CFAP77: variants seen among roughly 807,000 people sequenced by gnomAD.
CFAP77 encodes the protein cilia and flagella associated protein 77.
In CFAP77, 25 loss-of-function variants were observed where a neutral mutation model predicts 31.1. The ratio of observed to expected loss-of-function variants is 0.80; its 90% CI spans 0.59 to 1.12. The LOEUF (loss-of-function observed/expected upper bound fraction) is 1.12, where lower values mean the gene tolerates loss of function less well. Ranked by LOEUF, CFAP77 falls within the 50% of genes most tolerant of loss-of-function variation. CFAP77 has a pLI of 0.00. For missense variants in CFAP77, 377 were observed against 397.3 expected (o/e 0.95, Z 0.44); for synonymous variants, 151 against 159.9 (o/e 0.94, Z 0.42).
intron 1 of CFAP77, among the ~76,000 whole-genome samples, chr9:132,414,140 T>A (rs901748280): frequency 1.2e-4 from 18 of 152,212 alleles, no homozygotes; most frequent in African/African-American, 4.8e-5. Flanking sequence ...ATTGGTGACA[T>A]CATGTATAGC....
At chr9:132,546,316 G>A (rs1466672647) in intron 5 of CFAP77, among the ~76,000 whole-genome samples, 2 of 152,204 alleles carry the variant, frequency 1.3e-5, no homozygotes, top group Non-Finnish European at 2.9e-5. Flanking sequence ...TGTGGTGTCT[G>A]TCACGTGTGA....
intron 1 of CFAP77, among the ~76,000 whole-genome samples, chr9:132,436,678 GCCATTCCA>G (rs1456628352): frequency 6.6e-6 from 1 of 152,162 alleles, no homozygotes; most frequent in East Asian, 1.9e-4. Flanking sequence ...ATATCTAGTG[GCCATTCCA>G]CCATTCCACA....
At chr9:132,515,632 C>T (rs1340062879) in intron 3 of CFAP77, among the ~76,000 whole-genome samples, 2 of 152,150 alleles carry the variant, frequency 1.3e-5, no homozygotes, top group African/African-American at 2.4e-5. Context: ...ACTCCTTTCC[C>T]TCCTGGAAAG....
At chr9:132,465,073 C>CAAAAAAAAAAAAAAAAAAAAAA (rs773917029) in intron 1 of CFAP77, among the ~76,000 whole-genome samples, 8 of 82,790 alleles carry the variant, frequency 9.7e-5, no homozygotes, top group East Asian at 3.2e-4. Flanking sequence ...GACTCTGTCT[C>CAAAAAAAAAAAAAAAAAAAAAA]AAAAAAAAAA....
In CFAP77 at chr9:132,424,874, A is replaced by T. The variant is rs909773807; in HGVS notation, c.195+14408A>T. ...AAGGCATCCCCTCCTCCTCTCCCAAACACGGCTCCCTTCTTCTCCCCACCT... is the reference window on the plus strand; with the variant it reads ...AAGGCATCCCCTCCTCCTCTCCCAATCACGGCTCCCTTCTTCTCCCCACCT... On this transcript the variant is annotated intron_variant, in intron 1 of 5. Transcript: ENST00000393216. The surrounding 1 kb of genome is among the most constrained non-coding windows in gnomAD (Gnocchi z 4.1). Among the ~76,000 whole-genome samples, 2 of 152,126 alleles carry T rather than the reference A, an allele frequency of 1.3e-5. No individual in the cohort carries two copies. The highest frequency in any genetic ancestry group is 4.8e-5 in the African/African-American group (2 of 41,426).
chr9:132,542,974 G>C lies in CFAP77; in HGVS notation c.659G>C (p.Arg220Pro), dbSNP rs563639643. ...GTCCTTGGGAAGCTGTATGAGACCC[G>C]GAGCAGTCAGCTGAGGAAGTACAAG... ...KVVLGKLYETRSSQLRKYKPP... is the reference protein window; with the variant it reads ...KVVLGKLYETPSSQLRKYKPP... Residue 220 changes from arginine (R) to proline (P), a missense_variant, in exon 5 of 6, where the codon CGG (arginine) becomes CCG (proline). Transcript: ENST00000393216. The C allele has an allele frequency of 3.7e-6, 6 of 1,614,128 alleles. No individual in the cohort carries two copies. The East Asian group carries it at 8.9e-5, about 24-fold the overall frequency.
intron 5 of CFAP77, among the ~76,000 whole-genome samples, chr9:132,562,726 G>GTCTC (rs1829831509): frequency 6.6e-6 from 1 of 151,624 alleles, no homozygotes. Context: ...TTGAGACAGA[G>GTCTC]TCTCGCTCAG....
At position 132,537,629 on chromosome 9, in the gene CFAP77, C is replaced by T; in HGVS notation, c.553C>T (p.Gln185Ter). ...RPSTPFFDLL[Q>*]HRYLQLWVQE... ...TTCCACACCCTTCTTTGATCTGCTGCAGCACCGGTACCTGCAGCTGTGGGT... is the reference window on the plus strand; with the variant it reads ...TTCCACACCCTTCTTTGATCTGCTGTAGCACCGGTACCTGCAGCTGTGGGT... The change falls in exon 4 of 6, where the codon CAG becomes TAG. Residue 185 changes from glutamine to a stop codon, truncating the protein, a stop_gained. Coordinates refer to ENST00000393216, the MANE Select transcript of CFAP77 (RefSeq NM_001282957.2). LOFTEE classifies it high-confidence loss of function. 1.9e-6 allele frequency: 3 copies of T among 1,613,304 alleles called. No homozygotes were observed. Among genetic ancestry groups the T allele is most frequent in the Non-Finnish European group, 2.5e-6 (3 of 1,179,586 alleles).
chr9:132,457,687 G>T (rs1850945666), intron 1 of CFAP77, among the ~76,000 whole-genome samples: 1 of 152,248 alleles, frequency 6.6e-6, no homozygotes, highest in African/African-American at 2.4e-5. Flanking sequence ...CATCGGGGCA[G>T]GGCCGTGGGG....
In CFAP77 at chr9:132,410,388, G is replaced by T; in HGVS notation, c.117G>T (p.Ala39=). 1 of 1,600,936 alleles carries T rather than the reference G, an allele frequency of 6.2e-7. No individual in the cohort carries two copies. Among genetic ancestry groups the T allele is most frequent in the Non-Finnish European group, 8.5e-7 (1 of 1,175,184 alleles). ...CPPPRRPLTV[A]DIRSGMENER... is the part of the protein sequence containing the mutation. Reference sequence around the variant, plus strand: ...CCCCGCGGCGGCCCCTGACCGTGGCGGACATCCGTTCCGGCATGGAGAACG... The same window carrying T: ...CCCCGCGGCGGCCCCTGACCGTGGCTGACATCCGTTCCGGCATGGAGAACG... The change falls in exon 1 of 6, where the codon GCG becomes GCT. Residue 39 remains alanine (A), a synonymous_variant. Transcript: ENST00000393216.
At chr9:132,458,235 C>T (rs1317764500) in intron 1 of CFAP77, among the ~76,000 whole-genome samples, 2 of 151,784 alleles carry the variant, frequency 1.3e-5, no homozygotes, top group East Asian at 1.9e-4. Context: ...TGCACAGATC[C>T]GGGCCCCTGG....
In CFAP77 at chr9:132,572,567, G is replaced by T. The variant is rs1829974660; in HGVS notation, c.*57G>T. On this transcript the variant is annotated 3_prime_UTR_variant, in exon 6 of 6. Transcript: ENST00000393216. ...TGACATAGTGGAAAATTCCCAGAAG[G>T]ACTCCCTATCTTGCCCCAACCCTGA... 2 of 1,551,788 alleles carry T rather than the reference G, an allele frequency of 1.3e-6. No homozygotes were observed. Among genetic ancestry groups the T allele is most frequent in the Non-Finnish European group, 1.7e-6 (2 of 1,150,800 alleles).
At chr9:132,466,130 AGGCTGGGGTGC>A (rs1851147353) in intron 1 of CFAP77, among the ~76,000 whole-genome samples, 3 of 152,174 alleles carry the variant, frequency 2.0e-5, no homozygotes, top group Admixed American at 2.0e-4. Flanking sequence ...TCTGTTGCCC[AGGCTGGGGTGC>A]AGTGGCTCTC....
intron 3 of CFAP77, among the ~76,000 whole-genome samples, chr9:132,519,551 GATGA>G (rs1316452357): frequency 6.8e-5 from 8 of 116,940 alleles, no homozygotes; most frequent in Admixed American, 8.5e-5. Context: ...TGGGTAGATG[GATGA>G]ATGGATGGAT....
Position 132,424,417 on chromosome 9 carries a change from GAGTT to G in CFAP77, c.195+13954_195+13957del, listed in dbSNP as rs1850279863. 6.6e-6 allele frequency among the ~76,000 whole-genome samples: 1 copy of G among 151,680 alleles called. No homozygotes were observed. The highest frequency in any genetic ancestry group is 1.5e-5 in the Non-Finnish European group (1 of 67,814). On this transcript the variant is annotated intron_variant, in intron 1 of 5. Transcript: ENST00000393216. The surrounding 1 kb of genome is among the most constrained non-coding windows in gnomAD (Gnocchi z 4.1). ...ACTCCATCTCAAAACAAAAAAAAAA[GAGTT>G]AGGAAGAGGGAGCAGCCCTGGCCTG...
At chr9:132,442,948 A>T (rs1047652908) in intron 1 of CFAP77, among the ~76,000 whole-genome samples, 1 of 152,058 alleles carries the variant, frequency 6.6e-6, no homozygotes, top group Non-Finnish European at 1.5e-5. Flanking sequence ...AGAACACCCC[A>T]AAACCTTCCA....
At chr9:132,456,158 T>C (rs1324183679) in intron 1 of CFAP77, among the ~76,000 whole-genome samples, 1 of 152,144 alleles carries the variant, frequency 6.6e-6, no homozygotes, top group Non-Finnish European at 1.5e-5. Context: ...GTGGTTACAT[T>C]TGAATGGAGA....
rs1005368907 is a variant in CFAP77 at position 132,509,300 on chromosome 9, C to T, written c.524+9700C>T. Among the ~76,000 whole-genome samples the T allele has an allele frequency of 3.3e-5, 5 of 152,346 alleles. No homozygotes were observed. The South Asian group carries it at 6.2e-4, about 19-fold the overall frequency. ...CTTACACCAGGACCCTAGCCCTTAG[C>T]GGCCTGAACAGGTTCTTTTGGGAGG... On this transcript the variant is annotated intron_variant, in intron 3 of 5. Coordinates refer to ENST00000393216, the MANE Select transcript of CFAP77 (RefSeq NM_001282957.2).
chr9:132,473,263 C>T (rs182661675), intron 1 of CFAP77, among the ~76,000 whole-genome samples: 24 of 152,282 alleles, frequency 1.6e-4, no homozygotes, highest in African/African-American at 4.6e-4. Flanking sequence ...ACTTTCAACA[C>T]GAGGCTTGGG....
Sources: gnomAD v4.1 joint callset for allele counts (sites outside exome capture counted in the v4.1 genomes callset) on GRCh38, gnomAD v4.1.1 for gene constraint, Gnocchi (gnomAD v3.1) non-coding constraint, MANE v1.5 for transcripts, NCBI Gene and HGNC (gene_info 2026-07-23, HGNC 2026-07-21) for gene names.